The following SLC12A8 variants were observed in gnomAD, a reference collection of about 807,000 sequenced individuals.
SLC12A8 encodes the protein cation-chloride cotransporter 9.
A neutral mutation model predicts 75.6 loss-of-function variants in SLC12A8; 69 were observed. That is an observed-to-expected ratio of 0.91 (90% CI 0.75 to 1.11). The LOEUF (loss-of-function observed/expected upper bound fraction) is 1.11, where lower values mean the gene tolerates loss of function less well. Among genes scored for constraint, SLC12A8 ranks in the 50% most tolerant of loss-of-function variants. The probability of loss-of-function intolerance (pLI) is 0.00; values close to 1 mark genes in which losing one functional copy is unlikely to be tolerated. For synonymous variants in SLC12A8, 365 were observed against 372.8 expected (o/e 0.98, Z 0.24); for missense variants, 877 against 896.7 (o/e 0.98, Z 0.28).
intron 5 of SLC12A8, among the ~76,000 whole-genome samples, chr3:125,162,755 C>G (rs1934201987): frequency 6.6e-6 from 1 of 152,152 alleles, no homozygotes; most frequent in Admixed American, 6.5e-5. Flanking sequence ...TGCAATACAA[C>G]AAGTACCTAC....
At chr3:125,164,120 C>A (rs1231921373) in intron 5 of SLC12A8, among the ~76,000 whole-genome samples, 2 of 152,120 alleles carry the variant, frequency 1.3e-5, no homozygotes, top group Non-Finnish European at 2.9e-5. Flanking sequence ...ACGGGCCCAG[C>A]GGAGACTGGC....
chr3:125,168,394 T>C (rs1222330618), intron 5 of SLC12A8, among the ~76,000 whole-genome samples: 1 of 152,164 alleles, frequency 6.6e-6, no homozygotes. Flanking sequence ...TAATTCAAGA[T>C]GGTGCCCAGA....
Position 125,088,315 on chromosome 3 carries a change from G to A in SLC12A8, c.1977C>T (p.Ser659=). 6.2e-7 allele frequency: 1 copy of A among 1,614,164 alleles called. No homozygotes were observed. The highest frequency in any genetic ancestry group is 1.7e-5 in the Admixed American group (1 of 60,022). The change falls in exon 13 of 14, where the codon TCC becomes TCT. Residue 659 remains serine (S), a synonymous_variant. Coordinates refer to ENST00000469902, the MANE Select transcript of SLC12A8 (RefSeq NM_024628.6). ...FRWMRSLLLP[S]CRSLRSPQEQ... ...GGCTCCAAATTGGCACAGACCTGCAGGAGGGGAGCAAGAGAGACCTCATCC... is the reference window on the plus strand; with the variant it reads ...GGCTCCAAATTGGCACAGACCTGCAAGAGGGGAGCAAGAGAGACCTCATCC...
chr3:125,157,304 T>C lies in SLC12A8; in HGVS notation c.622+20439A>G, dbSNP rs564708963. Among the ~76,000 whole-genome samples the C allele has an allele frequency of 4.6e-5, 7 of 152,314 alleles. No homozygotes were observed. In the East Asian group the frequency reaches 7.7e-4, roughly 17 times the overall value. ...ATACTGGAAGGAAATACACTAATTA[T>C]AAATACAGATGCTCCTTGACTTTCA... is the stretch of plus-strand genomic sequence containing the variant. On this transcript the variant is annotated intron_variant, in intron 5 of 13. Coordinates refer to ENST00000469902, the MANE Select transcript of SLC12A8 (RefSeq NM_024628.6).
rs921145371 is a variant in SLC12A8, at chr3:125,141,467, G to A, written c.623-5685C>T. 8.5e-5 allele frequency among the ~76,000 whole-genome samples: 13 copies of A among 152,330 alleles called. No individual in the cohort carries two copies. The South Asian group carries it at 2.3e-3, about 27-fold the overall frequency. On this transcript the variant is annotated intron_variant, in intron 5 of 13. Coordinates refer to ENST00000469902, the MANE Select transcript of SLC12A8 (RefSeq NM_024628.6). ...GGGCTGCTTGGGGTGCCCAGCAGCC[G>A]GGCATGGGACCCTTGCCCTGGGTAG...
At chr3:125,129,644 C>A (rs1579491694) in intron 6 of SLC12A8, among the ~76,000 whole-genome samples, 1 of 152,316 alleles carries the variant, frequency 6.6e-6, no homozygotes, top group Admixed American at 6.5e-5. Context: ...TTCATCAAAA[C>A]TCTCTCCTCG....
At chr3:125,174,029 T>C (rs929902333) in intron 5 of SLC12A8, among the ~76,000 whole-genome samples, 1 of 152,016 alleles carries the variant, frequency 6.6e-6, no homozygotes, top group Non-Finnish European at 1.5e-5. Flanking sequence ...GAGGCAGAGG[T>C]TGCAGTGAGC....
intron 4 of SLC12A8, among the ~76,000 whole-genome samples, chr3:125,182,195 T>C (rs916159007): frequency 2.0e-5 from 3 of 152,110 alleles, no homozygotes; most frequent in Admixed American, 2.0e-4. Flanking sequence ...AGCATAGTGG[T>C]GCACGCCTGT....
intron 3 of SLC12A8, among the ~76,000 whole-genome samples, chr3:125,188,612 A>T (rs1259278373): frequency 6.6e-6 from 1 of 152,212 alleles, no homozygotes; most frequent in Non-Finnish European, 1.5e-5. Flanking sequence ...TAAGAAGGAG[A>T]TGTAATGTCA....
intron 10 of SLC12A8, among the ~76,000 whole-genome samples, chr3:125,094,638 AAT>A (rs1679423340): frequency 1.3e-5 from 2 of 152,122 alleles, no homozygotes; most frequent in African/African-American, 4.8e-5. Flanking sequence ...AACAAATACA[AAT>A]ATACTGTCTT....
chr3:125,100,569 G>A (rs981453338), intron 10 of SLC12A8, among the ~76,000 whole-genome samples: 10 of 150,996 alleles, frequency 6.6e-5, no homozygotes, highest in African/African-American at 1.7e-4. Context: ...CACCATGCCC[G>A]GCTAATTTTT....
chr3:125,097,787 TGTCTC>T (rs1423391112), intron 10 of SLC12A8, among the ~76,000 whole-genome samples: 1 of 152,086 alleles, frequency 6.6e-6, no homozygotes, highest in Non-Finnish European at 1.5e-5. Flanking sequence ...TTTTTTTTCT[TGTCTC>T]AGATTTTGCT....
chr3:125,208,076 G>A (rs899035474), intron 2 of SLC12A8, among the ~76,000 whole-genome samples: 5 of 152,198 alleles, frequency 3.3e-5, no homozygotes, highest in African/African-American at 1.2e-4. Flanking sequence ...GTCAGAATGG[G>A]AAACCCAGAA....
chr3:125,154,603 C>A (rs913062122), intron 5 of SLC12A8, among the ~76,000 whole-genome samples: 21 of 152,144 alleles, frequency 1.4e-4, no homozygotes, highest in African/African-American at 4.3e-4. Context: ...CATCCCATGA[C>A]CCCCAGGGGA....
At chr3:125,191,030 G>A (rs886458257) in intron 2 of SLC12A8, among the ~76,000 whole-genome samples, 39 of 152,190 alleles carry the variant, frequency 2.6e-4, no homozygotes, top group Admixed American at 2.6e-3. Flanking sequence ...TCCGGCAGTT[G>A]ACATTTGGCC....
chr3:125,112,214 C>G (rs372591223), intron 8 of SLC12A8, among the ~76,000 whole-genome samples: 3 of 152,226 alleles, frequency 2.0e-5, no homozygotes, highest in Non-Finnish European at 4.4e-5. Context: ...CGGAGCCCAC[C>G]TTGTCTTTAA....
intron 10 of SLC12A8, among the ~76,000 whole-genome samples, chr3:125,104,730 A>C (rs1938983031): frequency 6.6e-6 from 1 of 152,226 alleles, no homozygotes; most frequent in African/African-American, 2.4e-5. Flanking sequence ...CACATGACTA[A>C]ATTCCAACCA....
At position 125,135,700 on chromosome 3, in the gene SLC12A8, A is replaced by G. The variant is rs80007353; in HGVS notation, c.705T>C (p.Thr235=). Residue 235 remains threonine (T), a synonymous_variant, in exon 6 of 14, where the codon ACT becomes ACC. Transcript: ENST00000469902. ...PDYSPGESFF[T]VFGVFFPAAT... is the part of the protein sequence containing the mutation. Reference sequence around the variant, plus strand: ...CCGCTGGGAAGAAAACCCCAAAGACAGTGAAAAAAGATTCCCCCGGGCTGT... The same window carrying G: ...CCGCTGGGAAGAAAACCCCAAAGACGGTGAAAAAAGATTCCCCCGGGCTGT... The G allele has an allele frequency of 2.6e-4, 419 of 1,609,420 alleles. 2 individuals are homozygous for G. The East Asian group carries it at 9.2e-3, about 35-fold the overall frequency.
At position 125,098,921 on chromosome 3, in the gene SLC12A8, GAGC is replaced by G. The variant is rs1466236122; in HGVS notation, c.1706-6726_1706-6724del. On this transcript the variant is annotated intron_variant, in intron 10 of 13. Transcript: ENST00000469902. The stretch of plus-strand genomic sequence containing the variant: ...CTGAAAGTGCAGACCCAGCTAGGGT[GAGC>G]AGAAGACCAGCAGAAATTTAATGGG... 2.0e-5 allele frequency among the ~76,000 whole-genome samples: 3 copies of G among 152,204 alleles called. No homozygotes were observed. In the East Asian group the frequency reaches 5.8e-4, roughly 29 times the overall value.
Sources: allele counts gnomAD v4.1 joint callset (sites outside exome capture counted in the v4.1 genomes callset), GRCh38; gene constraint gnomAD v4.1.1; transcripts MANE v1.5; gene names NCBI Gene and HGNC (gene_info 2026-07-23, HGNC 2026-07-21).